Variants in PCGF5 observed in about 807,000 individuals in gnomAD.
PCGF5 encodes polycomb group ring finger 5.
PCGF5 carries 9 observed loss-of-function variants against 44.3 expected under a neutral mutation model. The observed-to-expected ratio is 0.20, with a 90% CI of 0.12 to 0.35. The LOEUF (loss-of-function observed/expected upper bound fraction) is 0.35, where lower values mean the gene tolerates loss of function less well. Among genes scored for constraint, PCGF5 ranks in the 10% least tolerant of loss-of-function variants. PCGF5 has a pLI of 1.00. For synonymous variants in PCGF5, 95 were observed against 102.5 expected (o/e 0.93, Z 0.44); for missense variants, 146 against 305.3 (o/e 0.48, Z 3.89).
At chr10:91,251,153 T>C (rs1033743455) in intron 5 of PCGF5, 139 bp from the exon 6 acceptor site, 2 of 574,350 alleles carry the variant, frequency 3.5e-6, no homozygotes, top group Non-Finnish European at 5.8e-6. Flanking sequence ...TGGAACATTT[T>C]AAAGATACTA....
the PCGF5 span, among the ~76,000 whole-genome samples, chr10:91,156,470 G>A: frequency 6.6e-6 from 1 of 152,126 alleles, no homozygotes; most frequent in South Asian, 2.1e-4. Context: ...TGTCTTCTGA[G>A]GCAGAAATGT....
At chr10:91,213,438 T>C (rs1375513688) in intron 1 of PCGF5, among the ~76,000 whole-genome samples, 1 of 151,758 alleles carries the variant, frequency 6.6e-6, no homozygotes, top group East Asian at 1.9e-4. Flanking sequence ...TGTACTTTGT[T>C]CATTAACTTC....
In PCGF5 at chr10:91,279,363, A is replaced by G. The variant is rs1846393047; in HGVS notation, c.*1047A>G. 1 of 152,200 alleles carries G rather than the reference A, an allele frequency of 6.6e-6. No individual in the cohort carries two copies. The highest frequency in any genetic ancestry group is 1.5e-5 in the Non-Finnish European group (1 of 68,016). The allele number at this position is 152,200 out of a possible 1,614,324, so 9.4% of individuals were successfully genotyped here. A position where few individuals can be genotyped will look rare whatever the true frequency, so the allele number is the denominator to read the frequency against. On this transcript the variant is annotated 3_prime_UTR_variant, in exon 10 of 10. Transcript: ENST00000336126. ...CTGTTAGTTACCTTTCACATTTCCA[A>G]ACTATGTGCATAAAATAGAATAAAT...
At chr10:91,258,883 A>G (rs974475691) in intron 6 of PCGF5, among the ~76,000 whole-genome samples, 6 of 152,168 alleles carry the variant, frequency 3.9e-5, no homozygotes, top group Non-Finnish European at 8.8e-5. Flanking sequence ...CTAGGAAAAC[A>G]TTTGCTAGGA....
intron 2 of PCGF5, among the ~76,000 whole-genome samples, chr10:91,228,816 C>G (rs1028292345): frequency 3.3e-5 from 5 of 152,198 alleles, no homozygotes; most frequent in African/African-American, 1.2e-4. Context: ...GCAACATCAC[C>G]TGGGAACTTA....
At chr10:91,192,294 A>C (rs17106383) in intron 1 of PCGF5, among the ~76,000 whole-genome samples, 5,266 of 152,270 alleles carry the variant, frequency 0.035, 327 homozygotes, top group African/African-American at 0.12. Flanking sequence ...CAACAACTCA[A>C]GGTGTTTTGC....
At chr10:91,239,590 G>A (rs1447273090) in intron 2 of PCGF5, among the ~76,000 whole-genome samples, 5 of 152,120 alleles carry the variant, frequency 3.3e-5, no homozygotes, top group Admixed American at 6.6e-5. Flanking sequence ...CAGGTTATAC[G>A]GGGTAATAGA....
At chr10:91,185,264 G>A (rs988692106) in intron 1 of PCGF5, among the ~76,000 whole-genome samples, 1 of 152,198 alleles carries the variant, frequency 6.6e-6, no homozygotes, top group African/African-American at 2.4e-5. Context: ...GAATGGATCC[G>A]GGATTCACTT....
chr10:91,239,261 T>G (rs917565760), intron 2 of PCGF5, among the ~76,000 whole-genome samples: 1 of 152,154 alleles, frequency 6.6e-6, no homozygotes, highest in Admixed American at 6.6e-5. Context: ...ACTCCTAATA[T>G]AATGTCTAGC....
In PCGF5 at chr10:91,278,848, T is replaced by C. The variant is rs535329634; in HGVS notation, c.*532T>C. 6.5e-6 allele frequency: 1 copy of C among 153,836 alleles called. No homozygotes were observed. The highest frequency in any genetic ancestry group is 1.9e-4 in the East Asian group (1 of 5,222). 9.5% of individuals were successfully genotyped at this position (153,836 alleles called of 1,614,324 possible). A position where few individuals can be genotyped will look rare whatever the true frequency, so the allele number is the denominator to read the frequency against. On this transcript the variant is annotated 3_prime_UTR_variant, in exon 10 of 10. Coordinates refer to ENST00000336126, the MANE Select transcript of PCGF5 (RefSeq NM_032373.5). ...TTTTGTGTGAAAAAAAGTTCATTCT[T>C]GAGTGTGCAAGTCCTTTTGCCAAGA... is the stretch of plus-strand genomic sequence containing the variant.
chr10:91,195,489 G>T (rs202241348), intron 1 of PCGF5, among the ~76,000 whole-genome samples: 2,759 of 132,768 alleles, frequency 0.021, 63 homozygotes, highest in African/African-American at 0.069. Context: ...TATATATAGA[G>T]AGAGAGAGAG....
intron 8 of PCGF5, among the ~76,000 whole-genome samples, chr10:91,269,540 A>C (rs1846128012): frequency 6.6e-6 from 1 of 152,080 alleles, no homozygotes; most frequent in Non-Finnish European, 1.5e-5. Context: ...ATTTTTTTCA[A>C]ATTTTTTGAC....
intron 3 of PCGF5, among the ~76,000 whole-genome samples, chr10:91,247,991 G>C (rs754183664): frequency 2.6e-5 from 4 of 152,126 alleles, no homozygotes; most frequent in South Asian, 4.1e-4. Flanking sequence ...TGATCTTGGG[G>C]GATGGGCTGT....
At chr10:91,173,977 A>G (rs929490407) in intron 1 of PCGF5, among the ~76,000 whole-genome samples, 1 of 151,984 alleles carries the variant, frequency 6.6e-6, no homozygotes, top group African/African-American at 2.4e-5. Flanking sequence ...GATTTTGGGC[A>G]GCAAAGATCT....
At chr10:91,207,725 A>T (rs191684896) in intron 1 of PCGF5, among the ~76,000 whole-genome samples, 1 of 152,332 alleles carries the variant, frequency 6.6e-6, no homozygotes, top group Non-Finnish European at 1.5e-5. Context: ...CATGACATTA[A>T]TATTTTCAAA....
chr10:91,264,820 G>A (rs1408795598), intron 8 of PCGF5, among the ~76,000 whole-genome samples: 3 of 152,084 alleles, frequency 2.0e-5, no homozygotes, highest in Non-Finnish European at 2.9e-5. Flanking sequence ...TAAGTTGTTG[G>A]AACATTTATG....
In PCGF5 at chr10:91,283,697, T is replaced by C. The variant is rs1846506538; in HGVS notation, c.*5381T>C. On this transcript the variant is annotated 3_prime_UTR_variant, in exon 10 of 10. Coordinates refer to ENST00000336126, the MANE Select transcript of PCGF5 (RefSeq NM_032373.5). ...TGAAGCTGTGGTCCACGACAGGAGCTTGTTGGGGGAGTACCAGGGTTCTGC... is the reference window on the plus strand; with the variant it reads ...TGAAGCTGTGGTCCACGACAGGAGCCTGTTGGGGGAGTACCAGGGTTCTGC... 6.6e-6 allele frequency: 1 copy of C among 152,120 alleles called. No homozygotes were observed. The highest frequency in any genetic ancestry group is 1.5e-5 in the Non-Finnish European group (1 of 68,046). The allele number at this position is 152,120 out of a possible 1,614,324, so 9.4% of individuals were successfully genotyped here. A position where few individuals can be genotyped will look rare whatever the true frequency, so the allele number is the denominator to read the frequency against.
At chr10:91,208,111 A>T (rs1259482295) in intron 1 of PCGF5, among the ~76,000 whole-genome samples, 1 of 152,166 alleles carries the variant, frequency 6.6e-6, no homozygotes, top group Non-Finnish European at 1.5e-5. Flanking sequence ...ATCCCTGGAG[A>T]TTCTTGCCTG....
chr10:91,199,369 G>T lies in PCGF5; in HGVS notation c.-183-23320G>T, dbSNP rs538433704. On this transcript the variant is annotated intron_variant, in intron 1 of 9. Coordinates refer to the PCGF5 transcript ENST00000614189. Reference sequence around the variant, plus strand: ...TAGAGCCAGCATGGCAGGAGCTCTGGAACTAGAATGACTCCTCTGAGTTGT... The same window carrying T: ...TAGAGCCAGCATGGCAGGAGCTCTGTAACTAGAATGACTCCTCTGAGTTGT... 2.0e-4 allele frequency among the ~76,000 whole-genome samples: 30 copies of T among 152,332 alleles called. No homozygotes were observed. The East Asian group carries it at 5.6e-3, about 28-fold the overall frequency.
Sources: gnomAD v4.1 joint callset for allele counts (sites outside exome capture counted in the v4.1 genomes callset) on GRCh38, gnomAD v4.1.1 for gene constraint, MANE v1.5 for transcripts, NCBI Gene and HGNC (gene_info 2026-07-23, HGNC 2026-07-21) for gene names.